The following PIGZ variants were observed in gnomAD, a reference collection of about 807,000 sequenced individuals.
The protein encoded by PIGZ is GPI alpha-1,2-mannosyltransferase 4.
A neutral mutation model predicts 16.4 loss-of-function variants in PIGZ; 16 were observed. The observed-to-expected ratio is 0.97, with a 90% confidence interval of 0.66 to 1.48. PIGZ has a LOEUF of 1.48. Among genes scored for constraint, PIGZ ranks in the 40% most tolerant of loss-of-function variants. PIGZ has a pLI of 0.00. For synonymous variants in PIGZ, 409 were observed against 338.4 expected (o/e 1.21, Z -2.29); for missense variants, 770 against 739.2 (o/e 1.04, Z -0.48).
chr3:196,948,941 T>TCCCTTCCTTTCCTTTCCTTCCCTTCCTTC (rs1336724230), intron 2 of PIGZ, among the ~76,000 whole-genome samples: 1 of 8,728 alleles, frequency 1.1e-4, no homozygotes, highest in African/African-American at 1.2e-3. Context: ...TTACTTCCCT[T>TCCCTTCCTTTCCTTTCCTTCCCTTCCTTC]CCTTCCCCTC....
At chr3:196,955,849 G>A (rs1717464722) in intron 1 of PIGZ, among the ~76,000 whole-genome samples, 1 of 151,912 alleles carries the variant, frequency 6.6e-6, no homozygotes, top group Non-Finnish European at 1.5e-5. Flanking sequence ...AAGATGCTGG[G>A]ATTACAGATG....
chr3:196,958,373 G>A (rs1174545464), intron 1 of PIGZ, among the ~76,000 whole-genome samples: 1 of 152,242 alleles, frequency 6.6e-6, no homozygotes, highest in East Asian at 1.9e-4. Context: ...GCTCACGCCT[G>A]TAACCCCAGA....
intron 1 of PIGZ, among the ~76,000 whole-genome samples, chr3:196,966,433 A>G (rs1717928368): frequency 6.6e-6 from 1 of 152,168 alleles, no homozygotes; most frequent in Non-Finnish European, 1.5e-5. Context: ...CTCCTTCTGA[A>G]GGACCCTGTG....
chr3:196,957,468 T>C (rs1261793474), intron 1 of PIGZ, among the ~76,000 whole-genome samples: 1 of 151,684 alleles, frequency 6.6e-6, no homozygotes, highest in Non-Finnish European at 1.5e-5. Flanking sequence ...CTGCAGCCTC[T>C]GCCTCCCAGG....
chr3:196,953,449 A>G (rs796899583), intron 1 of PIGZ, among the ~76,000 whole-genome samples: 7 of 152,306 alleles, frequency 4.6e-5, no homozygotes, highest in African/African-American at 1.7e-4. Context: ...GCCTTTTGGA[A>G]GGTGATGGGA....
chr3:196,952,601 C>T (rs960727989), intron 1 of PIGZ, among the ~76,000 whole-genome samples: 2 of 152,168 alleles, frequency 1.3e-5, no homozygotes, highest in African/African-American at 4.8e-5. Flanking sequence ...CTACGCCCGG[C>T]TAATTTTTGT....
In PIGZ at chr3:196,951,846, G is replaced by A; in HGVS notation, c.186C>T (p.Phe62=). Reference sequence around the variant, plus strand: ...CTGCCATCACCTCAGGGGACTGGAAGAACTCATCTGGGTGCACATAGCCCG... The same window carrying A: ...CTGCCATCACCTCAGGGGACTGGAAAAACTCATCTGGGTGCACATAGCCCG... The part of the protein sequence containing the change: ...PQTGYVHPDE[F]FQSPEVMAED... Residue 62 remains phenylalanine (F), a synonymous_variant, in exon 2 of 3, where the codon TTC becomes TTT. Coordinates refer to ENST00000412723, the MANE Select transcript of PIGZ (RefSeq NM_025163.4). 1 of 1,614,204 alleles carries A rather than the reference G, an allele frequency of 6.2e-7. No homozygotes were observed. Among genetic ancestry groups the A allele is most frequent in the African/African-American group, 1.3e-5 (1 of 75,058 alleles).
intron 1 of PIGZ, among the ~76,000 whole-genome samples, chr3:196,967,522 C>A (rs1034364616): frequency 4.6e-5 from 7 of 152,212 alleles, no homozygotes; most frequent in Non-Finnish European, 7.3e-5. Context: ...GTGCAACCAC[C>A]AAAGGCTGCT....
intron 2 of PIGZ, chr3:196,951,465 C>T (rs1717278939): frequency 3.1e-6 from 1 of 323,912 alleles, no homozygotes; most frequent in African/African-American, 2.1e-5. Context: ...TCTCAGATCA[C>T]AGCCCTATGG....
At chr3:196,962,100 T>G (rs1368728020) in intron 1 of PIGZ, among the ~76,000 whole-genome samples, 2 of 152,168 alleles carry the variant, frequency 1.3e-5, no homozygotes, top group Non-Finnish European at 2.9e-5. Context: ...AAGGAAGACA[T>G]AAGAAACTCC....
intron 1 of PIGZ, among the ~76,000 whole-genome samples, chr3:196,961,901 C>T (rs1444660660): frequency 1.3e-5 from 2 of 152,190 alleles, no homozygotes; most frequent in Non-Finnish European, 2.9e-5. Context: ...ATTTTCATCA[C>T]TCAAGAAGAA....
Position 196,947,143 on chromosome 3 carries a change from G to A in PIGZ, c.*14C>T, listed in dbSNP as rs769812775. 5 of 1,531,786 alleles carry A rather than the reference G, an allele frequency of 3.3e-6. No homozygotes were observed. Among genetic ancestry groups the A allele is most frequent in the African/African-American group, 1.4e-5 (1 of 72,558 alleles). 94.9% of individuals were successfully genotyped at this position (1,531,786 alleles called of 1,614,324 possible). ...TATGGCTGAGTCTTGGGCAGTGGGT[G>A]CTCTGTCATATTGTCAGGTTTCTTC... On this transcript the variant is annotated 3_prime_UTR_variant, in exon 3 of 3. Transcript: ENST00000412723.
chr3:196,955,703 C>A (rs988809875), intron 1 of PIGZ, among the ~76,000 whole-genome samples: 2 of 151,406 alleles, frequency 1.3e-5, no homozygotes, highest in African/African-American at 4.9e-5. Context: ...CTCAGCCTCC[C>A]GAGTAGCTGG....
Position 196,947,962 on chromosome 3 carries a change from T to C in PIGZ, c.935A>G (p.His312Arg), listed in dbSNP as rs1181073758. The C allele has an allele frequency of 5.6e-6, 9 of 1,610,968 alleles. No homozygotes were observed. Among genetic ancestry groups the C allele is most frequent in the Non-Finnish European group, 6.8e-6 (8 of 1,178,208 alleles). Reference sequence around the variant, plus strand: ...GACTGCCAGGTGAGTGAGCCGCGCGTGCGTGCCATGTCTCGCCAGGTTTTG... The same window carrying C: ...GACTGCCAGGTGAGTGAGCCGCGCGCGCGTGCCATGTCTCGCCAGGTTTTG... Reference protein sequence around the residue: ...NPQNLARHGTHARLTHLAVNG... With the variant: ...NPQNLARHGTRARLTHLAVNG... The change falls in exon 3 of 3, where the codon CAC becomes CGC. Residue 312 changes from histidine to arginine, a missense_variant. Physicochemically the swap from His to Arg is conservative, Grantham distance 29. Transcript: ENST00000412723.
intron 1 of PIGZ, among the ~76,000 whole-genome samples, chr3:196,961,307 C>T (rs568721258): frequency 1.3e-5 from 2 of 152,316 alleles, no homozygotes; most frequent in East Asian, 1.9e-4. Context: ...AGGAGTCATT[C>T]CTGGGGATTC....
intron 1 of PIGZ, among the ~76,000 whole-genome samples, chr3:196,964,890 A>T (rs1717866135): frequency 6.6e-6 from 1 of 152,140 alleles, no homozygotes; most frequent in Admixed American, 6.5e-5. Flanking sequence ...TGTCTTACAC[A>T]CAAATGAACA....
chr3:196,968,319 C>G (rs957368769), intron 1 of PIGZ, among the ~76,000 whole-genome samples: 14 of 152,206 alleles, frequency 9.2e-5, no homozygotes, highest in Admixed American at 2.6e-4. Context: ...GAGACCCAGT[C>G]GGGTTATGGG....
At chr3:196,956,795 T>G (rs1032859012) in intron 1 of PIGZ, among the ~76,000 whole-genome samples, 9 of 152,204 alleles carry the variant, frequency 5.9e-5, no homozygotes, top group African/African-American at 2.2e-4. Flanking sequence ...TTCTACAAGT[T>G]GTTTGATTTT....
intron 1 of PIGZ, among the ~76,000 whole-genome samples, chr3:196,957,622 C>T (rs1335525272): frequency 4.6e-5 from 7 of 152,122 alleles, no homozygotes; most frequent in East Asian, 1.9e-4. Flanking sequence ...CCTCGTGATC[C>T]GCCGGCCTCA....
Sources: gnomAD v4.1 joint callset for allele counts (sites outside exome capture counted in the v4.1 genomes callset) on GRCh38, gnomAD v4.1.1 for gene constraint, MANE v1.5 for transcripts, NCBI Gene and HGNC (gene_info 2026-07-23, HGNC 2026-07-21) for gene names.